Variants in GIPC1 observed in about 807,000 individuals in gnomAD.
GIPC1 encodes the protein PDZ domain-containing protein GIPC1.
GIPC1 carries 15 observed loss-of-function variants against 28.5 expected under a neutral mutation model. The observed-to-expected ratio is 0.53, with a 90% CI of 0.35 to 0.81. The LOEUF is 0.81. GIPC1 is among the 30% of genes least tolerant of loss of function. The pLI is 0.01. For missense variants in GIPC1, 439 were observed against 481.9 expected (o/e 0.91, Z 0.83); for synonymous variants, 224 against 206.1 (o/e 1.09, Z -0.74).
intron 6 of GIPC1, chr19:14,479,797 G>A (rs1265857954): frequency 2.4e-6 from 1 of 410,814 alleles, no homozygotes; most frequent in Non-Finnish European, 4.3e-6. Context: ...CCAGGGGCTG[G>A]GGGACAGGAA....
At chr19:14,493,660 T>C (rs148656182) in intron 1 of GIPC1, among the ~76,000 whole-genome samples, 3 of 152,034 alleles carry the variant, frequency 2.0e-5, no homozygotes, top group African/African-American at 7.2e-5. Context: ...TTTATTTTTA[T>C]TTATTTATTT....
At chr19:14,482,349 A>C in intron 4 of GIPC1, 2 of 396,068 alleles carry the variant, frequency 5.0e-6, no homozygotes, top group East Asian at 1.2e-4. Flanking sequence ...GTCTTGCACA[A>C]TCTACTGGGG....
At chr19:14,488,162 G>A (rs530697891) in intron 3 of GIPC1, among the ~76,000 whole-genome samples, 42 of 152,246 alleles carry the variant, frequency 2.8e-4, no homozygotes, top group Admixed American at 1.8e-3. Context: ...GAAAGGCCCT[G>A]AGCTGGGGCT....
At chr19:14,489,170 G>A (rs573043123) in intron 3 of GIPC1, among the ~76,000 whole-genome samples, 32 of 152,156 alleles carry the variant, frequency 2.1e-4, no homozygotes, top group African/African-American at 6.5e-4. Flanking sequence ...CAATCCTCCC[G>A]CCTTGGCCTT....
intron 1 of GIPC1, 71 bp from the exon 2 acceptor site, chr19:14,492,983 C>T (rs1355739285): frequency 6.6e-6 from 1 of 151,656 alleles, no homozygotes; most frequent in Non-Finnish European, 1.5e-5. Context: ...CCCACGTATC[C>T]CATCTACACT....
chr19:14,478,207 G>C lies in GIPC1; in HGVS notation c.*209C>G. The C allele has an allele frequency of 1.8e-6, 1 of 561,030 alleles. No individual in the cohort carries two copies. The highest frequency in any genetic ancestry group is 2.9e-5 in the East Asian group (1 of 34,380). 34.8% of individuals were successfully genotyped at this position (561,030 alleles called of 1,614,324 possible). On this transcript the variant is annotated 3_prime_UTR_variant, in exon 9 of 9. Transcript: ENST00000393033. This position sits in a 1 kb window ranked among gnomAD's most constrained non-coding sequence, Gnocchi z 5.2. ...GGTAGGTGGGGAACAGGGCACAGGG[G>C]GGCCGGGGACCCCGGCCAGACTGGG...
rs2071633334 is a variant in GIPC1 at position 14,477,830 on chromosome 19, C to G, written c.*586G>C. ...ACAAAAACCCACCGCCATCGTCCCT[C>G]CCTCCCTCCTGCTCTGGGCCAGGGA... On this transcript the variant is annotated 3_prime_UTR_variant, in exon 9 of 9. Transcript: ENST00000393033. 6.5e-6 allele frequency: 1 copy of G among 153,136 alleles called. No individual in the cohort carries two copies. The highest frequency in any genetic ancestry group is 2.4e-5 in the African/African-American group (1 of 41,452). 9.5% of individuals were successfully genotyped at this position (153,136 alleles called of 1,614,324 possible).
chr19:14,480,703 A>G lies in GIPC1; in HGVS notation c.364T>C (p.Phe122Leu). 1 of 1,614,044 alleles carries G rather than the reference A, an allele frequency of 6.2e-7. No individual in the cohort carries two copies. The highest frequency in any genetic ancestry group is 8.5e-7 in the Non-Finnish European group (1 of 1,179,888). The change falls in exon 5 of 9, where the codon TTC (phenylalanine) becomes CTC (leucine). Residue 122 changes from phenylalanine to leucine, a missense_variant. Phe to Leu is a conservative substitution (Grantham distance 22). Transcript: ENST00000393033. The stretch of plus-strand genomic sequence containing the variant: ...TGCCCCTTCACGTGGGCGAAGATGA[A>G]GTCCTCCAGCCCGATCTGGCCCCCC... ...LLGGQIGLEDFIFAHVKGQRK... is the reference protein window; with the variant it reads ...LLGGQIGLEDLIFAHVKGQRK...
rs201570527 is a variant in GIPC1 at position 14,483,001 on chromosome 19, G to C, written c.-25C>G. The C allele has an allele frequency of 2.2e-5, 36 of 1,603,290 alleles. No individual in the cohort carries two copies. The East Asian group carries it at 8.0e-4, about 36-fold the overall frequency. ...TGAGCAGCGAGAAGTGGGGTCACCA[G>C]AAGATCTGCAGGACAGGAAGTGGGG... On this transcript the variant is annotated 5_prime_UTR_variant, in exon 4 of 9. Coordinates refer to ENST00000393033, the MANE Select transcript of GIPC1 (RefSeq NM_005716.4).
chr19:14,482,937 G>C lies in GIPC1; in HGVS notation c.40C>G (p.Leu14Val), dbSNP rs1244700704. 5 of 1,611,594 alleles carry C rather than the reference G, an allele frequency of 3.1e-6. No homozygotes were observed. The highest frequency in any genetic ancestry group is 4.2e-6 in the Non-Finnish European group (5 of 1,179,692). The change falls in exon 4 of 9, where the codon CTA (leucine) becomes GTA (valine). Residue 14 changes from leucine to valine, a missense_variant. Transcript: ENST00000393033. ...GLGRRKKAPPLVENEEAEPGR... is the reference protein window; with the variant it reads ...GLGRRKKAPPVVENEEAEPGR... ...GGCTCAGCCTCCTCATTTTCCACTA[G>C]AGGGGGCGCCTTTTTCCGCCGCCCC... is the stretch of plus-strand genomic sequence containing the variant.
In GIPC1 at chr19:14,478,708, T is replaced by C. The variant is rs1360111189; in HGVS notation, c.826A>G (p.Met276Val). Reference protein sequence around the residue: ...EKVDDLLESYMGIRDTELAAT... With the variant: ...EKVDDLLESYVGIRDTELAAT... ...CCCAGCTCCGTGTCCCTGATACCCA[T>C]GTAACTCTCCAGCAGGTCATCCACC... Residue 276 changes from methionine (M) to valine (V), a missense_variant, in exon 8 of 9, where the codon ATG becomes GTG. Transcript: ENST00000393033. This position sits in a 1 kb window ranked among gnomAD's most constrained non-coding sequence, Gnocchi z 5.2. The C allele has an allele frequency of 1.2e-6, 2 of 1,613,670 alleles. No individual in the cohort carries two copies. The highest frequency in any genetic ancestry group is 1.7e-6 in the Non-Finnish European group (2 of 1,179,848).
chr19:14,495,620 T>C (rs1389137463), intron 1 of GIPC1, among the ~76,000 whole-genome samples: 3 of 152,110 alleles, frequency 2.0e-5, no homozygotes, highest in Non-Finnish European at 2.9e-5. Context: ...GAGTTTTTCA[T>C]GACGATTATT....
At chr19:14,491,285 C>G (rs1264451735) in intron 3 of GIPC1, among the ~76,000 whole-genome samples, 5 of 150,900 alleles carry the variant, frequency 3.3e-5, no homozygotes, top group Admixed American at 2.0e-4. Context: ...TTGAGATGAA[C>G]TCTCACTCTG....
At position 14,478,165 on chromosome 19, in the gene GIPC1, G is replaced by A. The variant is rs531396145; in HGVS notation, c.*251C>T. 1 of 464,826 alleles carries A rather than the reference G, an allele frequency of 2.2e-6. No homozygotes were observed. Among genetic ancestry groups the A allele is most frequent in the African/African-American group, 1.9e-5 (1 of 51,520 alleles). The allele number at this position is 464,826 out of a possible 1,614,324, so 28.8% of individuals were successfully genotyped here. On this transcript the variant is annotated 3_prime_UTR_variant, in exon 9 of 9. Coordinates refer to ENST00000393033, the MANE Select transcript of GIPC1 (RefSeq NM_005716.4). The surrounding 1 kb of genome is among the most constrained non-coding windows in gnomAD (Gnocchi z 5.2). The stretch of plus-strand genomic sequence containing the variant: ...AATTTGGCTGATCCCTCCCCTCCCT[G>A]TGCCTGACCCAGCTGAGGTAGGTGG...
intron 3 of GIPC1, among the ~76,000 whole-genome samples, chr19:14,485,159 CA>C (rs1204334121): frequency 4.0e-5 from 6 of 149,378 alleles, no homozygotes; most frequent in Non-Finnish European, 3.0e-5. Flanking sequence ...GACTCAGTCT[CA>C]AAAAAAAATA....
chr19:14,489,574 C>T (rs758459104), intron 3 of GIPC1: 34 of 1,052,922 alleles, frequency 3.2e-5, no homozygotes, highest in East Asian at 9.4e-5. Context: ...GGTGGAAATA[C>T]GAGGAAATAG....
intron 6 of GIPC1, 197 bp downstream of exon 6, chr19:14,480,108 C>T (rs2071691339): frequency 6.6e-6 from 4 of 601,512 alleles, no homozygotes; most frequent in African/African-American, 3.7e-5. Context: ...TTCCTCCTCG[C>T]CCCCGCCCTT....
At chr19:14,486,443 A>G (rs1362136713) in intron 3 of GIPC1, among the ~76,000 whole-genome samples, 1 of 152,132 alleles carries the variant, frequency 6.6e-6, no homozygotes, top group African/African-American at 2.4e-5. Context: ...GAAGTGGCAC[A>G]TGACATTTCT....
Position 14,485,702 on chromosome 19 carries a change from T to TATATAG in GIPC1, c.-30-2697_-30-2696insCTATAT, listed in dbSNP as rs1300117748. On this transcript the variant is annotated intron_variant, in intron 3 of 8. Transcript: ENST00000393033. ...ATAAACAAATATATATATATATATA[T>TATATAG]AGAGAGAGAGAGAGAGAGAGAGAGA... Among the ~76,000 whole-genome samples, 418 of 58,670 alleles carry TATATAG rather than the reference T, an allele frequency of 7.1e-3. 2 individuals are homozygous for TATATAG. The highest frequency in any genetic ancestry group is 0.026 in the Middle Eastern group (2 of 76). 38.5% of individuals were successfully genotyped at this position (58,670 alleles called of 152,430 possible).
Sources: allele counts gnomAD v4.1 joint callset (sites outside exome capture counted in the v4.1 genomes callset), GRCh38; gene constraint gnomAD v4.1.1; non-coding constraint Gnocchi (gnomAD v3.1); transcripts MANE v1.5; gene names NCBI Gene and HGNC (gene_info 2026-07-23, HGNC 2026-07-21).